KCNH7: variants seen among roughly 807,000 people sequenced by gnomAD.
KCNH7 encodes the protein potassium voltage-gated channel subfamily H member 7.
Under a neutral mutation model 120.8 loss-of-function variants are expected in KCNH7, and 49 were observed. The ratio of observed to expected loss-of-function variants is 0.41; its 90% CI spans 0.32 to 0.51. KCNH7 has a LOEUF of 0.51. Ranked by LOEUF, KCNH7 falls within the 20% of genes least tolerant of loss-of-function variation. The pLI is 0.38. For missense variants in KCNH7, 1,097 were observed against 1,446.6 expected, an observed-to-expected ratio of 0.76 and a Z score of 3.92; for synonymous variants, 547 against 516.1, an observed-to-expected ratio of 1.06 and a Z score of -0.81.
chr2:162,804,132 T>C (rs1684446861), intron 2 of KCNH7, among the ~76,000 whole-genome samples: 1 of 151,924 alleles, frequency 6.6e-6, no homozygotes, highest in South Asian at 2.1e-4. Context: ...CAAGGAACTA[T>C]ACAGATGTAT....
At chr2:162,523,341 T>G (rs892649964) in intron 3 of KCNH7, among the ~76,000 whole-genome samples, 1 of 151,898 alleles carries the variant, frequency 6.6e-6, no homozygotes, top group Non-Finnish European at 1.5e-5. Context: ...CCCCTAAGAT[T>G]AGTTGATTCT....
At chr2:162,528,009 G>A (rs1386254665) in intron 3 of KCNH7, 1 of 151,932 alleles carries the variant, frequency 6.6e-6, no homozygotes, top group East Asian at 1.9e-4. Flanking sequence ...TTCTGGTGTA[G>A]GGCCCAAGAA....
At chr2:162,690,285 T>G (rs1406039266) in intron 2 of KCNH7, among the ~76,000 whole-genome samples, 1 of 152,128 alleles carries the variant, frequency 6.6e-6, no homozygotes. Context: ...GGTACTAGGC[T>G]TAATACCTAG....
intron 11 of KCNH7, among the ~76,000 whole-genome samples, chr2:162,395,203 A>G (rs1686875366): frequency 6.6e-6 from 1 of 151,780 alleles, no homozygotes; most frequent in South Asian, 2.1e-4. Context: ...TTATTTGCAG[A>G]TTTTCAACTA....
intron 13 of KCNH7, 113 bp downstream of exon 13, chr2:162,384,575 G>T: frequency 9.5e-7 from 1 of 1,048,252 alleles, no homozygotes; most frequent in Non-Finnish European, 1.4e-6. Context: ...AACATTTCAT[G>T]AAGTTGAGAA....
At chr2:162,571,330 A>G (rs1455725570) in intron 2 of KCNH7, among the ~76,000 whole-genome samples, 7 of 152,134 alleles carry the variant, frequency 4.6e-5, no homozygotes, top group Non-Finnish European at 1.0e-4. Context: ...TGGGAATCCA[A>G]CTTACAAGGG....
At chr2:162,718,026 TTCTC>T (rs1232574782) in intron 2 of KCNH7, among the ~76,000 whole-genome samples, 13 of 151,838 alleles carry the variant, frequency 8.6e-5, no homozygotes, top group African/African-American at 2.4e-4. Context: ...CTCTCCCTTT[TTCTC>T]TCTCTCCCTC....
intron 2 of KCNH7, among the ~76,000 whole-genome samples, chr2:162,564,981 A>G (rs2105886967): frequency 6.6e-6 from 1 of 152,262 alleles, no homozygotes; most frequent in Non-Finnish European, 1.5e-5. Flanking sequence ...AATTCAGCTC[A>G]GAGATGGATT....
At chr2:162,812,151 G>A (rs1473884233) in intron 2 of KCNH7, among the ~76,000 whole-genome samples, 1 of 151,870 alleles carries the variant, frequency 6.6e-6, no homozygotes, top group Non-Finnish European at 1.5e-5. Context: ...TAAGTATCAG[G>A]GTGCAGACTA....
intron 2 of KCNH7, among the ~76,000 whole-genome samples, chr2:162,609,519 G>A (rs1682890012): frequency 6.6e-6 from 1 of 152,030 alleles, no homozygotes; most frequent in East Asian, 1.9e-4. Flanking sequence ...TGTCCAGGAG[G>A]GCCCTCAGAG....
At chr2:162,463,498 C>A (rs1241965406) in intron 6 of KCNH7, among the ~76,000 whole-genome samples, 1 of 151,846 alleles carries the variant, frequency 6.6e-6, no homozygotes, top group Non-Finnish European at 1.5e-5. Flanking sequence ...TCCCTGATGG[C>A]CTTAACTATG....
chr2:162,471,694 ATT>A, intron 6 of KCNH7, among the ~76,000 whole-genome samples: 1 of 152,370 alleles, frequency 6.6e-6, no homozygotes, highest in East Asian at 1.9e-4. Flanking sequence ...TGCCATCCCT[ATT>A]AAGCTACCAA....
At chr2:162,802,345 A>T (rs954266753) in intron 2 of KCNH7, among the ~76,000 whole-genome samples, 2 of 151,806 alleles carry the variant, frequency 1.3e-5, no homozygotes, top group African/African-American at 4.8e-5. Flanking sequence ...TTTAAATACT[A>T]GTTGTTAGGA....
At chr2:162,757,148 G>C (rs1200196501) in intron 2 of KCNH7, among the ~76,000 whole-genome samples, 5 of 151,916 alleles carry the variant, frequency 3.3e-5, no homozygotes, top group African/African-American at 1.2e-4. Flanking sequence ...TTTTTTATTT[G>C]AATCTGTAAA....
At chr2:162,669,677 T>C (rs1195610711) in intron 2 of KCNH7, among the ~76,000 whole-genome samples, 1 of 152,134 alleles carries the variant, frequency 6.6e-6, no homozygotes, top group Non-Finnish European at 1.5e-5. Flanking sequence ...ATAACTGGAG[T>C]TACTAGCATC....
intron 2 of KCNH7, among the ~76,000 whole-genome samples, chr2:162,546,918 C>A (rs1445080865): frequency 6.6e-6 from 1 of 151,996 alleles, no homozygotes; most frequent in Non-Finnish European, 1.5e-5. Flanking sequence ...AGTAATGCCG[C>A]TCAGGCATAT....
intron 2 of KCNH7, among the ~76,000 whole-genome samples, chr2:162,809,569 G>C (rs1684662115): frequency 2.0e-5 from 3 of 152,116 alleles, no homozygotes; most frequent in Admixed American, 2.0e-4. Flanking sequence ...ATAAATGTCA[G>C]ACTTGAAATA....
chr2:162,535,624 A>T (rs926540100), intron 3 of KCNH7, among the ~76,000 whole-genome samples: 1 of 151,794 alleles, frequency 6.6e-6, no homozygotes, highest in Non-Finnish European at 1.5e-5. Flanking sequence ...CTTCAAGTTA[A>T]CTTATACAAT....
At chr2:162,714,366 T>C (rs1687036308) in intron 2 of KCNH7, among the ~76,000 whole-genome samples, 1 of 152,096 alleles carries the variant, frequency 6.6e-6, no homozygotes, top group African/African-American at 2.4e-5. Context: ...AGCCAGCTAG[T>C]GTGAAGTTGA....
Sources: allele counts gnomAD v4.1 joint callset (sites outside exome capture counted in the v4.1 genomes callset), GRCh38; gene constraint gnomAD v4.1.1; transcripts MANE v1.5; gene names NCBI Gene and HGNC (gene_info 2026-07-23, HGNC 2026-07-21).